The following CACNA2D1 variants were observed in gnomAD, a reference collection of about 807,000 sequenced individuals.
The protein encoded by CACNA2D1 is calcium voltage-gated channel auxiliary subunit alpha2delta 1.
CACNA2D1 carries 53 observed loss-of-function variants against 171.5 expected under a neutral mutation model. That is an observed-to-expected ratio of 0.31 (90% confidence interval 0.25 to 0.39). The LOEUF (loss-of-function observed/expected upper bound fraction) is 0.39, where lower values mean the gene tolerates loss of function less well. Ranked by LOEUF, CACNA2D1 falls within the 10% of genes least tolerant of loss-of-function variation. The pLI is 1.00. For synonymous variants in CACNA2D1, 442 were observed against 443.1 expected, an observed-to-expected ratio of 1.00 and a Z score of 0.03; for missense variants, 903 against 1,299.8, an observed-to-expected ratio of 0.69 and a Z score of 4.69.
At position 82,371,578 on chromosome 7, in the gene CACNA2D1, TTTATTA is replaced by T. The variant is rs1238387582; in HGVS notation, c.96-21935_96-21930del. Among the ~76,000 whole-genome samples, 9 of 151,586 alleles carry T rather than the reference TTTATTA, an allele frequency of 5.9e-5. No individual in the cohort carries two copies. In the East Asian group the frequency reaches 1.7e-3, roughly 29 times the overall value. ...ATCTACAGCCCTAATTTTATTTTATTTTATTATTATTATTATTTTGCAACAGAGCTT... is the reference window on the plus strand; with the variant it reads ...ATCTACAGCCCTAATTTTATTTTATTTTATTATTATTTTGCAACAGAGCTT... On this transcript the variant is annotated intron_variant, in intron 1 of 38. Transcript: ENST00000356860.
intron 3 of CACNA2D1, among the ~76,000 whole-genome samples, chr7:82,250,756 GTTC>G (rs1308799749): frequency 2.6e-5 from 4 of 151,912 alleles, no homozygotes; most frequent in African/African-American, 9.7e-5. Context: ...CCTTTTGTCT[GTTC>G]TTCTTTTCTT....
chr7:81,960,394 A>G (rs897001884), intron 36 of CACNA2D1, among the ~76,000 whole-genome samples: 1 of 152,044 alleles, frequency 6.6e-6, no homozygotes, highest in Non-Finnish European at 1.5e-5. Context: ...TTTAATTCTA[A>G]TTAATTTAAC....
chr7:82,019,629 C>T (rs1296742589), intron 12 of CACNA2D1, among the ~76,000 whole-genome samples: 1 of 152,078 alleles, frequency 6.6e-6, no homozygotes, highest in Non-Finnish European at 1.5e-5. Context: ...AACTAAAATA[C>T]TTGTCTTCAA....
At chr7:82,047,456 A>G (rs1366969478) in intron 10 of CACNA2D1, among the ~76,000 whole-genome samples, 1 of 152,190 alleles carries the variant, frequency 6.6e-6, no homozygotes, top group Admixed American at 6.6e-5. Flanking sequence ...GAAGAACACA[A>G]TAAGAATGGC....
chr7:82,390,910 A>C (rs1368409645), intron 1 of CACNA2D1, among the ~76,000 whole-genome samples: 1 of 152,292 alleles, frequency 6.6e-6, no homozygotes, highest in South Asian at 2.1e-4. Context: ...CCATTTACTA[A>C]GGGTAGTTTT....
chr7:81,959,938 A>AACAGAAACCATT, intron 36 of CACNA2D1, 109 bp from the exon 37 acceptor site: 1 of 1,478,886 alleles, frequency 6.8e-7, no homozygotes, highest in Non-Finnish European at 9.1e-7. Flanking sequence ...TGACATCTGA[A>AACAGAAACCATT]ACAGAAACCA....
chr7:81,993,723 TAGC>T (rs1361925070), intron 20 of CACNA2D1, among the ~76,000 whole-genome samples: 2 of 152,096 alleles, frequency 1.3e-5, no homozygotes, highest in East Asian at 3.8e-4. Context: ...AATTGAAAAT[TAGC>T]AGTTATATCT....
chr7:82,173,092 G>A (rs1018298495), intron 3 of CACNA2D1, among the ~76,000 whole-genome samples: 1 of 152,092 alleles, frequency 6.6e-6, no homozygotes, highest in South Asian at 2.1e-4. Flanking sequence ...GCATGAGAAA[G>A]TGCAATTCAA....
intron 3 of CACNA2D1, among the ~76,000 whole-genome samples, chr7:82,258,892 G>T (rs1806698666): frequency 7.4e-6 from 1 of 134,934 alleles, no homozygotes; most frequent in Non-Finnish European, 1.5e-5. Flanking sequence ...CAATGGCCCA[G>T]TCTCAGCTCC....
chr7:81,964,358 A>C lies in CACNA2D1; in HGVS notation c.2576T>G (p.Ile859Ser). ...ATCAATCTCTCCAAAAAATCTTCCA[A>C]TCTGGTGAAGAAAAAAATCATAAAG... is the stretch of plus-strand genomic sequence containing the variant. ...MANHDDYTNQ[I>S]GRFFGEIDPS... The change falls in exon 33 of 39, where the codon ATT becomes AGT. Residue 859 changes from isoleucine (I) to serine (S), a missense_variant and splice_region_variant. Ile to Ser is a moderately radical substitution (Grantham distance 142, BLOSUM62 -2). Around this residue, in one of 5 missense-constraint regions of CACNA2D1, gnomAD observed 623 missense variants for 925.5 expected, o/e 0.67. Transcript: ENST00000356860. 6.2e-7 allele frequency: 1 copy of C among 1,611,440 alleles called. No homozygotes were observed. The highest frequency in any genetic ancestry group is 8.5e-7 in the Non-Finnish European group (1 of 1,178,526).
chr7:82,187,211 T>C (rs1426221517), intron 3 of CACNA2D1, among the ~76,000 whole-genome samples: 1 of 152,172 alleles, frequency 6.6e-6, no homozygotes, highest in Non-Finnish European at 1.5e-5. Context: ...GAAATCTGTG[T>C]CTCTACCTTC....
At chr7:82,228,345 G>C (rs1307292629) in intron 3 of CACNA2D1, among the ~76,000 whole-genome samples, 1 of 152,104 alleles carries the variant, frequency 6.6e-6, no homozygotes, top group Non-Finnish European at 1.5e-5. Context: ...TGCCTGGTGA[G>C]ACCTTGAGCC....
chr7:82,007,724 C>T lies in CACNA2D1; in HGVS notation c.1395G>A (p.Pro465=), dbSNP rs746665546. Residue 465 remains proline (P), a synonymous_variant, in exon 16 of 39, where the codon CCG becomes CCA. Coordinates refer to ENST00000356860, the MANE Select transcript of CACNA2D1 (RefSeq NM_000722.4). The part of the protein sequence containing the change: ...ELGLVITGTL[P]VFNITGQFEN... ...CAAATTGGCCGGTTATGTTGAAGACCGGAAGAGTTCCAGTAATGACAAGTC... is the reference window on the plus strand; with the variant it reads ...CAAATTGGCCGGTTATGTTGAAGACTGGAAGAGTTCCAGTAATGACAAGTC... 6.9e-6 allele frequency: 11 copies of T among 1,601,140 alleles called. No individual in the cohort carries two copies. The highest frequency in any genetic ancestry group is 2.2e-5 in the East Asian group (1 of 44,720).
chr7:82,015,759 T>C (rs1228025296), intron 12 of CACNA2D1, among the ~76,000 whole-genome samples: 1 of 152,204 alleles, frequency 6.6e-6, no homozygotes, highest in Admixed American at 6.5e-5. Flanking sequence ...TTGTTTTGTA[T>C]CTTTTAACTG....
intron 3 of CACNA2D1, among the ~76,000 whole-genome samples, chr7:82,221,691 C>T (rs901682389): frequency 6.6e-6 from 1 of 151,054 alleles, no homozygotes; most frequent in African/African-American, 2.4e-5. Context: ...TTGCAGTGAG[C>T]CAAGATCCCA....
chr7:82,253,047 T>C (rs1805861523), intron 3 of CACNA2D1, among the ~76,000 whole-genome samples: 1 of 152,058 alleles, frequency 6.6e-6, no homozygotes, highest in South Asian at 2.1e-4. Context: ...AAATTAAGGG[T>C]GTCCAAAGGT....
At chr7:82,277,140 CTT>C (rs1041544253) in intron 3 of CACNA2D1, among the ~76,000 whole-genome samples, 115 of 152,208 alleles carry the variant, frequency 7.6e-4, no homozygotes, top group African/African-American at 2.7e-3. Context: ...GTTGGACAGA[CTT>C]TTCACATTTA....
At chr7:82,304,239 G>T (rs887731172) in intron 3 of CACNA2D1, among the ~76,000 whole-genome samples, 1 of 151,712 alleles carries the variant, frequency 6.6e-6, no homozygotes, top group African/African-American at 2.4e-5. Context: ...ATATACTTTT[G>T]GTAGTAATGT....
intron 3 of CACNA2D1, among the ~76,000 whole-genome samples, chr7:82,273,981 T>A (rs1236621564): frequency 6.6e-6 from 1 of 152,212 alleles, no homozygotes; most frequent in African/African-American, 2.4e-5. Context: ...CCAGTCATTG[T>A]AACACACTGT....
Sources: allele counts gnomAD v4.1 joint callset (sites outside exome capture counted in the v4.1 genomes callset), GRCh38; gene constraint gnomAD v4.1.1; regional missense constraint gnomAD v4.1.1; transcripts MANE v1.5; gene names NCBI Gene and HGNC (gene_info 2026-07-23, HGNC 2026-07-21).